The following SERPINE2 variants were observed in gnomAD, a reference collection of about 807,000 sequenced individuals.
SERPINE2 encodes glia-derived nexin.
A neutral mutation model predicts 36.3 loss-of-function variants in SERPINE2; 14 were observed. The observed-to-expected ratio is 0.39, with a 90% CI of 0.25 to 0.60. The LOEUF is 0.60. Ranked by LOEUF, SERPINE2 falls within the 20% of genes least tolerant of loss-of-function variation. The probability of loss-of-function intolerance (pLI) is 0.57; values close to 1 mark genes in which losing one functional copy is unlikely to be tolerated. For synonymous variants in SERPINE2, 192 were observed against 191.8 expected (o/e 1.00, Z -0.01); for missense variants, 418 against 499.6 (o/e 0.84, Z 1.56).
At chr2:224,033,544 G>A (rs1441708630) in intron 1 of SERPINE2, among the ~76,000 whole-genome samples, 1 of 151,910 alleles carries the variant, frequency 6.6e-6, no homozygotes, top group African/African-American at 2.4e-5. Context: ...ATACAGACAA[G>A]GAAACTGAGT....
intron 1 of SERPINE2, among the ~76,000 whole-genome samples, chr2:224,008,927 C>T (rs1442585378): frequency 6.6e-6 from 1 of 152,178 alleles, no homozygotes; most frequent in Non-Finnish European, 1.5e-5. Flanking sequence ...TATGAAAGAC[C>T]AGCTGCTGAC....
At chr2:224,010,318 G>T (rs1691580444) in intron 1 of SERPINE2, 4 of 983,856 alleles carry the variant, frequency 4.1e-6, no homozygotes, top group Non-Finnish European at 4.8e-6. Flanking sequence ...GGCCAAAAAG[G>T]AACCTAAAAA....
chr2:224,031,651 T>C (rs1436074517), intron 1 of SERPINE2, among the ~76,000 whole-genome samples: 2 of 152,070 alleles, frequency 1.3e-5, no homozygotes, highest in African/African-American at 2.4e-5. Context: ...TGACTTAGCA[T>C]CAGCCAATCA....
chr2:223,987,792 T>G (rs1690491381), intron 4 of SERPINE2, among the ~76,000 whole-genome samples: 1 of 152,182 alleles, frequency 6.6e-6, no homozygotes, highest in South Asian at 2.1e-4. Context: ...TAAGTGCTAC[T>G]AGGGAAGACG....
chr2:224,005,457 G>A lies in SERPINE2; in HGVS notation c.-22-3535C>T, dbSNP rs78513706. Among the ~76,000 whole-genome samples the A allele has an allele frequency of 6.3e-3, 964 of 152,164 alleles. 6 individuals carry two copies. The highest frequency in any genetic ancestry group is 0.022 in the African/African-American group (917 of 41,516). ...GGTTTCCTAGGCCAAATGCTCACTC[G>A]TCTAAACTCACCTGGCTTATATACG... On this transcript the variant is annotated intron_variant, in intron 1 of 8. Transcript: ENST00000409304.
chr2:224,001,331 C>A (rs915221368), intron 2 of SERPINE2, among the ~76,000 whole-genome samples: 2 of 152,184 alleles, frequency 1.3e-5, no homozygotes, highest in Admixed American at 6.5e-5. Flanking sequence ...CAACCCTGGG[C>A]GCCATGGAGG....
Position 223,998,143 on chromosome 2 carries a change from G to A in SERPINE2, c.459C>T (p.Ile153=). ...TGGTTTCATTTTTAACCCATGCATT[G>A]ATGGAATCACAGGCAGAGGCTGGAT... The part of the protein sequence containing the change: ...FEDPASACDS[I]NAWVKNETRD... The change falls in exon 3 of 9, where the codon ATC becomes ATT. Residue 153 remains isoleucine, a synonymous_variant. Coordinates refer to ENST00000409304, the MANE Select transcript of SERPINE2 (RefSeq NM_001136528.2). 2.5e-6 allele frequency: 4 copies of A among 1,614,144 alleles called. No homozygotes were observed. Among genetic ancestry groups the A allele is most frequent in the Non-Finnish European group, 1.7e-6 (2 of 1,180,002 alleles).
chr2:224,002,008 G>A (rs546968874), intron 1 of SERPINE2, 86 bp from the exon 2 acceptor site: 144 of 1,237,526 alleles, frequency 1.2e-4, no homozygotes, highest in African/African-American at 1.1e-3. Flanking sequence ...ATAGAGACTC[G>A]TTCTTTCACC....
chr2:224,006,302 G>A (rs543671796), intron 1 of SERPINE2, among the ~76,000 whole-genome samples: 32 of 152,260 alleles, frequency 2.1e-4, no homozygotes, highest in African/African-American at 7.2e-4. Flanking sequence ...CACTGGTGGG[G>A]AGGGGTACTA....
rs761195431 is a variant in SERPINE2, at chr2:223,991,810, G to T, written c.678C>A (p.Phe226Leu). The change falls in exon 4 of 9, where the codon TTC becomes TTA. Residue 226 changes from phenylalanine to leucine, a missense_variant. Coordinates refer to ENST00000409304, the MANE Select transcript of SERPINE2 (RefSeq NM_001136528.2). ...CGCTGAGCATGAACTCACCACACCGGAACACGGAGAGCTGGGCCAGCATTG... is the reference window on the plus strand; with the variant it reads ...CGCTGAGCATGAACTCACCACACCGTAACACGGAGAGCTGGGCCAGCATTG... ...QVPMLAQLSV[F>L]RCGSTSAPND... 20 of 1,613,790 alleles carry T rather than the reference G, an allele frequency of 1.2e-5. No individual in the cohort carries two copies. Among genetic ancestry groups the T allele is most frequent in the Non-Finnish European group, 1.6e-5 (19 of 1,180,014 alleles).
At chr2:224,005,539 T>C (rs1559209524) in intron 1 of SERPINE2, among the ~76,000 whole-genome samples, 1 of 152,146 alleles carries the variant, frequency 6.6e-6, no homozygotes, top group East Asian at 1.9e-4. Flanking sequence ...AGAGTGGGTG[T>C]TGATCTATAA....
At chr2:224,009,895 G>A (rs1691565026) in intron 1 of SERPINE2, among the ~76,000 whole-genome samples, 1 of 152,186 alleles carries the variant, frequency 6.6e-6, no homozygotes, top group Admixed American at 6.5e-5. Flanking sequence ...GATTAAGGCT[G>A]TCTCTGTAAG....
At chr2:224,027,755 T>C (rs1692232598) in intron 1 of SERPINE2, among the ~76,000 whole-genome samples, 1 of 152,198 alleles carries the variant, frequency 6.6e-6, no homozygotes, top group African/African-American at 2.4e-5. Context: ...GGATGTGCCC[T>C]TTCTACCTAA....
chr2:224,001,854 G>A lies in SERPINE2; in HGVS notation c.47C>T (p.Pro16Leu). 1 of 1,614,104 alleles carries A rather than the reference G, an allele frequency of 6.2e-7. No individual in the cohort carries two copies. Among genetic ancestry groups the A allele is most frequent in the East Asian group, 2.2e-5 (1 of 44,876 alleles). Reference sequence around the variant, plus strand: ...AGGATTGAAGTGGGAGCAGATGGAAGGCAGCGTCACAGAGGCCAAGAGGAA... The same window carrying A: ...AGGATTGAAGTGGGAGCAGATGGAAAGCAGCGTCACAGAGGCCAAGAGGAA... ...PLFLLASVTLPSICSHFNPLS... is the reference protein window; with the variant it reads ...PLFLLASVTLLSICSHFNPLS... Residue 16 changes from proline (P) to leucine (L), a missense_variant, in exon 2 of 9, where the codon CCT becomes CTT. Coordinates refer to ENST00000409304, the MANE Select transcript of SERPINE2 (RefSeq NM_001136528.2).
chr2:224,037,517 C>G (rs935831055), intron 1 of SERPINE2, among the ~76,000 whole-genome samples: 8 of 152,198 alleles, frequency 5.3e-5, no homozygotes, highest in Non-Finnish European at 7.3e-5. Flanking sequence ...AAGTGCGCAT[C>G]TAGAGCGTCC....
intron 1 of SERPINE2, among the ~76,000 whole-genome samples, chr2:224,022,158 C>CAAAAAAA (rs71058977): frequency 1.4e-5 from 1 of 72,598 alleles, no homozygotes; most frequent in Non-Finnish European, 2.5e-5. Context: ...GACTCCTTCT[C>CAAAAAAA]AAAAAAAAAA....
Position 224,013,346 on chromosome 2 carries a change from T to C in SERPINE2, c.-22-11424A>G, listed in dbSNP as rs370427407. On this transcript the variant is annotated intron_variant, in intron 1 of 8. Coordinates refer to ENST00000409304, the MANE Select transcript of SERPINE2 (RefSeq NM_001136528.2). ...CTCTCCTTGTGAGAAAAAGAGGGCCTCCCAGCAGACAGGACAGGCCCTCCT... is the reference window on the plus strand; with the variant it reads ...CTCTCCTTGTGAGAAAAAGAGGGCCCCCCAGCAGACAGGACAGGCCCTCCT... Among the ~76,000 whole-genome samples, 10 of 152,108 alleles carry C rather than the reference T, an allele frequency of 6.6e-5. No homozygotes were observed. In the East Asian group the frequency reaches 7.7e-4, roughly 12 times the overall value.
intron 5 of SERPINE2, 105 bp downstream of exon 5, chr2:223,984,647 G>T (rs1284765744): frequency 2.9e-6 from 3 of 1,043,084 alleles, no homozygotes; most frequent in African/African-American, 1.6e-5. Flanking sequence ...AACAGAACAG[G>T]CTTCATGATG....
chr2:224,004,020 T>A (rs1201652057), intron 1 of SERPINE2, among the ~76,000 whole-genome samples: 2 of 152,226 alleles, frequency 1.3e-5, no homozygotes, highest in Non-Finnish European at 2.9e-5. Flanking sequence ...ACACACTTTC[T>A]GTGCTTCCCA....
Sources: gnomAD v4.1 joint callset for allele counts (sites outside exome capture counted in the v4.1 genomes callset) on GRCh38, gnomAD v4.1.1 for gene constraint, MANE v1.5 for transcripts, NCBI Gene and HGNC (gene_info 2026-07-23, HGNC 2026-07-21) for gene names.